Variants in GALNTL6 observed in about 807,000 individuals in gnomAD.
GALNTL6 encodes the protein polypeptide N-acetylgalactosaminyltransferase-like 6.
A neutral mutation model predicts 73.7 loss-of-function variants in GALNTL6; 46 were observed. The ratio of observed to expected loss-of-function variants is 0.62; its 90% confidence interval spans 0.49 to 0.80. GALNTL6 has a LOEUF of 0.80. Among genes scored for constraint, GALNTL6 ranks in the 30% least tolerant of loss-of-function variants. The pLI is 0.00. For synonymous variants in GALNTL6, 259 were observed against 263.7 expected (o/e 0.98, Z 0.17); for missense variants, 604 against 755.0 (o/e 0.80, Z 2.34).
chr4:173,037,329 C>T (rs1753737358), intron 12 of GALNTL6, among the ~76,000 whole-genome samples: 1 of 152,078 alleles, frequency 6.6e-6, no homozygotes, highest in African/African-American at 2.4e-5. Context: ...TTATCTAATC[C>T]CCCCCACCTC....
intron 3 of GALNTL6, among the ~76,000 whole-genome samples, chr4:172,241,029 T>C (rs1269967276): frequency 1.3e-5 from 2 of 152,214 alleles, no homozygotes; most frequent in East Asian, 3.9e-4. Flanking sequence ...TTTCAGAACA[T>C]TTTCAGAGGG....
intron 5 of GALNTL6, among the ~76,000 whole-genome samples, chr4:172,513,143 A>AT (rs1039097132): frequency 6.6e-6 from 1 of 151,734 alleles, no homozygotes; most frequent in Non-Finnish European, 1.5e-5. Context: ...CTTTGTTCAT[A>AT]TTTTTTTTAA....
At chr4:171,856,693 T>C (rs770305643) in intron 2 of GALNTL6, among the ~76,000 whole-genome samples, 2 of 152,216 alleles carry the variant, frequency 1.3e-5, no homozygotes, top group Non-Finnish European at 2.9e-5. Flanking sequence ...AGCTTATTCT[T>C]TATTCATTGA....
chr4:172,479,809 A>G (rs1733377911), intron 5 of GALNTL6, among the ~76,000 whole-genome samples: 1 of 152,212 alleles, frequency 6.6e-6, no homozygotes, highest in Admixed American at 6.5e-5. Context: ...GAGTTAAGTT[A>G]TGAAGTGTTT....
intron 5 of GALNTL6, among the ~76,000 whole-genome samples, chr4:172,594,756 G>A (rs1258108929): frequency 6.6e-6 from 1 of 152,064 alleles, no homozygotes; most frequent in Non-Finnish European, 1.5e-5. Context: ...ATGTTTTAAT[G>A]TTGTCCAATT....
chr4:172,643,193 T>C (rs1317545346), intron 5 of GALNTL6, among the ~76,000 whole-genome samples: 3 of 151,900 alleles, frequency 2.0e-5, no homozygotes, highest in Non-Finnish European at 4.4e-5. Context: ...TCAGCTGAAG[T>C]AGATGAGGTC....
At chr4:172,481,417 G>A (rs1278905588) in intron 5 of GALNTL6, among the ~76,000 whole-genome samples, 2 of 135,344 alleles carry the variant, frequency 1.5e-5, no homozygotes, top group Non-Finnish European at 3.4e-5. Context: ...TGTGGAAGGG[G>A]ACCAGGGTTG....
chr4:171,935,715 G>T (rs779770750), intron 2 of GALNTL6, among the ~76,000 whole-genome samples: 1 of 152,104 alleles, frequency 6.6e-6, no homozygotes, highest in Non-Finnish European at 1.5e-5. Context: ...TTTACCACAT[G>T]CATCAGCCTT....
At chr4:172,121,783 G>A (rs996237617) in intron 2 of GALNTL6, among the ~76,000 whole-genome samples, 4 of 152,016 alleles carry the variant, frequency 2.6e-5, no homozygotes. Context: ...TCTCATAGGG[G>A]TTGTACCTCT....
intron 5 of GALNTL6, among the ~76,000 whole-genome samples, chr4:172,466,955 C>T (rs569446938): frequency 1.4e-4 from 22 of 152,256 alleles, no homozygotes; most frequent in Non-Finnish European, 2.5e-4. Context: ...TCCTTAGTAA[C>T]GCTGCAACTG....
intron 2 of GALNTL6, among the ~76,000 whole-genome samples, chr4:172,011,562 A>AT (rs1251590372): frequency 6.6e-6 from 1 of 152,016 alleles, no homozygotes; most frequent in East Asian, 1.9e-4. Context: ...ATGGACAGAG[A>AT]TTTTTTTAGG....
chr4:172,123,918 C>A (rs1336917574), intron 2 of GALNTL6, among the ~76,000 whole-genome samples: 2 of 152,060 alleles, frequency 1.3e-5, no homozygotes. Context: ...TTTTAGAGTT[C>A]TAAGAATTTT....
intron 2 of GALNTL6, among the ~76,000 whole-genome samples, chr4:172,137,933 G>T (rs2111031175): frequency 6.6e-6 from 1 of 152,276 alleles, no homozygotes; most frequent in East Asian, 1.9e-4. Flanking sequence ...AGCTGCATTT[G>T]GTACAGAGTA....
At chr4:172,367,818 CTT>C (rs1485256559) in intron 5 of GALNTL6, among the ~76,000 whole-genome samples, 3 of 152,246 alleles carry the variant, frequency 2.0e-5, no homozygotes, top group African/African-American at 7.2e-5. Context: ...TCCAAAGAAA[CTT>C]AATCTTTTGG....
intron 5 of GALNTL6, among the ~76,000 whole-genome samples, chr4:172,450,760 C>A (rs1486015458): frequency 6.6e-6 from 1 of 152,206 alleles, no homozygotes; most frequent in Non-Finnish European, 1.5e-5. Context: ...TTAACACTTG[C>A]AGATTATCTG....
At chr4:172,266,971 G>T (rs1274663539) in intron 3 of GALNTL6, among the ~76,000 whole-genome samples, 1 of 152,078 alleles carries the variant, frequency 6.6e-6, no homozygotes, top group Non-Finnish European at 1.5e-5. Context: ...TGAGTATATA[G>T]AAGATGGGGT....
chr4:172,768,840 GT>G (rs2110855441), intron 5 of GALNTL6, among the ~76,000 whole-genome samples: 1 of 152,042 alleles, frequency 6.6e-6, no homozygotes, highest in Admixed American at 6.5e-5. Context: ...TATTTCAACA[GT>G]TTCCACTTGC....
intron 10 of GALNTL6, among the ~76,000 whole-genome samples, chr4:172,956,313 T>C (rs939742327): frequency 1.3e-5 from 2 of 152,082 alleles, no homozygotes; most frequent in Non-Finnish European, 2.9e-5. Context: ...GGTGATGGCC[T>C]GGATATGGTT....
chr4:172,239,586 C>A (rs760842769), intron 3 of GALNTL6, among the ~76,000 whole-genome samples: 1 of 151,842 alleles, frequency 6.6e-6, no homozygotes, highest in Non-Finnish European at 1.5e-5. Context: ...CAATTTCATT[C>A]GGTTCTGCTC....
Sources: gnomAD v4.1 joint callset for allele counts (sites outside exome capture counted in the v4.1 genomes callset) on GRCh38, gnomAD v4.1.1 for gene constraint, MANE v1.5 for transcripts, NCBI Gene and HGNC (gene_info 2026-07-23, HGNC 2026-07-21) for gene names.